The following HNRNPUL1 variants were observed in gnomAD, a reference collection of about 807,000 sequenced individuals.
HNRNPUL1 encodes the protein heterogeneous nuclear ribonucleoprotein U-like protein 1.
A neutral mutation model predicts 108.5 loss-of-function variants in HNRNPUL1; 14 were observed. The observed-to-expected ratio is 0.13, with a 90% CI of 0.09 to 0.20. The LOEUF (loss-of-function observed/expected upper bound fraction) is 0.20. Among genes scored for constraint, HNRNPUL1 ranks in the 10% least tolerant of loss-of-function variants. HNRNPUL1 has a pLI of 1.00. For synonymous variants in HNRNPUL1, 422 were observed against 445.2 expected (o/e 0.95, Z 0.66); for missense variants, 804 against 1,168.3 (o/e 0.69, Z 4.55).
chr19:41,266,709 T>C (rs2034870779), intron 1 of HNRNPUL1, among the ~76,000 whole-genome samples: 1 of 152,098 alleles, frequency 6.6e-6, no homozygotes, highest in African/African-American at 2.4e-5. Flanking sequence ...ACCCTGGGAC[T>C]TGGGGCTAAG....
At position 41,270,090 on chromosome 19, in the gene HNRNPUL1, C is replaced by T. The variant is rs192478412; in HGVS notation, c.418+1745C>T. On this transcript the variant is annotated intron_variant, in intron 2 of 14. Transcript: ENST00000392006. ...CTCCGCCTCTCGGGTTCAAGCGATT[C>T]TCCTGCCTCAGCCTCCCAAGTAGCT... is the stretch of plus-strand genomic sequence containing the variant. 9.7e-3 allele frequency among the ~76,000 whole-genome samples: 1,482 copies of T among 152,228 alleles called. 25 individuals carry two copies. The highest frequency in any genetic ancestry group is 0.034 in the African/African-American group (1,391 of 41,516).
chr19:41,283,666 G>C (rs2036040896), intron 7 of HNRNPUL1, among the ~76,000 whole-genome samples: 1 of 152,036 alleles, frequency 6.6e-6, no homozygotes, highest in Admixed American at 6.6e-5. Context: ...GTGTTGGCTA[G>C]GCTGGTCTTG....
At chr19:41,275,545 A>G (rs1011472516) in intron 4 of HNRNPUL1, among the ~76,000 whole-genome samples, 2 of 152,004 alleles carry the variant, frequency 1.3e-5, no homozygotes, top group Non-Finnish European at 2.9e-5. Flanking sequence ...TAGCAAATAC[A>G]CATCCCCACC....
At chr19:41,299,058 A>G (rs2037050203) in intron 10 of HNRNPUL1, 1 of 152,206 alleles carries the variant, frequency 6.6e-6, no homozygotes, top group Admixed American at 6.5e-5. Flanking sequence ...ACCAGATGCC[A>G]CGTTCTGCTT....
rs1371703575 is a variant in HNRNPUL1 at position 41,294,807 on chromosome 19, G to A, written c.1518+121G>A. ...ATGATGATGGACTGCTGTGCTAGTC[G>A]GGGGGGTCAGACCTTGTCATACATG... On this transcript the variant is annotated intron_variant, in intron 10 of 14. Transcript: ENST00000392006. This position sits in a 1 kb window ranked among gnomAD's most constrained non-coding sequence, Gnocchi z 4.3. 18 of 1,175,856 alleles carry A rather than the reference G, an allele frequency of 1.5e-5. No individual in the cohort carries two copies. Among genetic ancestry groups the A allele is most frequent in the South Asian group, 5.6e-5 (4 of 71,754 alleles). The allele number at this position is 1,175,856 out of a possible 1,614,324, so 72.8% of individuals were successfully genotyped here. A position where few individuals can be genotyped will look rare whatever the true frequency, so the allele number is the denominator to read the frequency against.
Position 41,302,744 on chromosome 19 carries a change from G to A in HNRNPUL1, c.1767G>A (p.Lys589=), listed in dbSNP as rs1475781478. 6.2e-7 allele frequency: 1 copy of A among 1,614,052 alleles called. No homozygotes were observed. The highest frequency in any genetic ancestry group is 8.5e-7 in the Non-Finnish European group (1 of 1,180,022). The part of the protein sequence containing the change: ...FIELQREEAD[K]LVRQYNEEGR... Reference sequence around the variant, plus strand: ...AGCTGCAGCGGGAGGAAGCGGACAAGCTAGTGAGGCAGTACAACGAGGAAG... The same window carrying A: ...AGCTGCAGCGGGAGGAAGCGGACAAACTAGTGAGGCAGTACAACGAGGAAG... The change falls in exon 12 of 15, where the codon AAG becomes AAA. Residue 589 remains lysine, a synonymous_variant. Transcript: ENST00000392006.
At chr19:41,284,938 G>C (rs947894527) in intron 7 of HNRNPUL1, among the ~76,000 whole-genome samples, 9 of 150,282 alleles carry the variant, frequency 6.0e-5, no homozygotes, top group Admixed American at 4.0e-4. Flanking sequence ...GGAGCTTGCA[G>C]TGAGCCACGA....
chr19:41,281,181 A>G lies in HNRNPUL1; in HGVS notation c.905A>G (p.Tyr302Cys). Residue 302 changes from tyrosine to cysteine, a missense_variant, in exon 7 of 15, where the codon TAT becomes TGT. Around this residue, in one of 4 missense-constraint regions of HNRNPUL1, gnomAD observed 174 missense variants for 296.6 expected, o/e 0.59. Transcript: ENST00000392006. Reference sequence around the variant, plus strand: ...CCGTCAGGCGAAGAGCCTTTCTCCTATGGCTATGGAGGCACTGGGAAGAAG... The same window carrying G: ...CCGTCAGGCGAAGAGCCTTTCTCCTGTGGCTATGGAGGCACTGGGAAGAAG... ...STQLGEEPFS[Y>C]GYGGTGKKST... 3 of 1,613,654 alleles carry G rather than the reference A, an allele frequency of 1.9e-6. No individual in the cohort carries two copies. The highest frequency in any genetic ancestry group is 1.7e-6 in the Non-Finnish European group (2 of 1,179,542).
intron 1 of HNRNPUL1, 198 bp downstream of exon 1, chr19:41,264,996 G>T (rs2034726421): frequency 3.6e-6 from 5 of 1,370,920 alleles, no homozygotes; most frequent in East Asian, 3.0e-5. Flanking sequence ...GTGCAGGGGG[G>T]ACACTGGGGG....
Position 41,306,529 on chromosome 19 carries a change from C to T in HNRNPUL1, c.2535C>T (p.Tyr845=), listed in dbSNP as rs761292170. The T allele has an allele frequency of 7.5e-6, 12 of 1,606,060 alleles. No individual in the cohort carries two copies. Among genetic ancestry groups the T allele is most frequent in the Non-Finnish European group, 4.2e-6 (5 of 1,176,530 alleles). Residue 845 remains tyrosine (Y), a synonymous_variant, in exon 15 of 15, where the codon TAC becomes TAT. Transcript: ENST00000392006. The part of the protein sequence containing the change: ...PYYGNYDYGS[Y]SGNTQGGTST... ...ACGGGAACTACGACTACGGGAGCTA[C>T]TCCGGGAACACACAGGGTGGCACAA...
intron 10 of HNRNPUL1, among the ~76,000 whole-genome samples, chr19:41,299,438 C>T (rs542153890): frequency 3.3e-5 from 5 of 152,318 alleles, no homozygotes; most frequent in African/African-American, 7.2e-5. Context: ...TCTTAGAAGA[C>T]GATCTCTTGA....
intron 7 of HNRNPUL1, among the ~76,000 whole-genome samples, chr19:41,286,216 G>A (rs1452444057): frequency 4.6e-5 from 7 of 151,118 alleles, no homozygotes; most frequent in African/African-American, 1.7e-4. Context: ...CTAGTCATAG[G>A]GATCTGAGAG....
chr19:41,272,034 T>C lies in HNRNPUL1; in HGVS notation c.419-48T>C, dbSNP rs1424194220. On this transcript the variant is annotated intron_variant, in intron 2 of 14. Coordinates refer to ENST00000392006, the MANE Select transcript of HNRNPUL1 (RefSeq NM_007040.6). ...GAAAAGGGACCAGAAAAGTGATAGC[T>C]GGGGAGCTTGCGAGTGTCTTGACCA... 2.5e-6 allele frequency: 4 copies of C among 1,601,698 alleles called. No individual in the cohort carries two copies. The Admixed American group carries it at 6.8e-5, about 27-fold the overall frequency.
intron 10 of HNRNPUL1, among the ~76,000 whole-genome samples, chr19:41,299,554 G>A (rs970716590): frequency 6.6e-6 from 1 of 152,204 alleles, no homozygotes; most frequent in African/African-American, 2.4e-5. Flanking sequence ...CACTCTGGGT[G>A]TTGACTTTTC....
At chr19:41,283,382 G>A (rs1420105515) in intron 7 of HNRNPUL1, among the ~76,000 whole-genome samples, 1 of 152,240 alleles carries the variant, frequency 6.6e-6, no homozygotes, top group Non-Finnish European at 1.5e-5. Flanking sequence ...CGGGGTTCAA[G>A]TGATTCTTGT....
rs1365008741 is a variant in HNRNPUL1 at position 41,267,283 on chromosome 19, T to G, written c.296-940T>G. On this transcript the variant is annotated intron_variant, in intron 1 of 14. Transcript: ENST00000392006. The stretch of plus-strand genomic sequence containing the variant: ...TAGAGAATGGAGAAGGACCCTAGAA[T>G]TATAGCTTCTCCAGGAGGGGCTGCC... 3.9e-5 allele frequency among the ~76,000 whole-genome samples: 6 copies of G among 152,104 alleles called. No individual in the cohort carries two copies. The South Asian group carries it at 1.0e-3, about 26-fold the overall frequency.
At chr19:41,288,890 A>G (rs768784338) in intron 7 of HNRNPUL1, among the ~76,000 whole-genome samples, 1 of 152,078 alleles carries the variant, frequency 6.6e-6, no homozygotes, top group East Asian at 1.9e-4. Flanking sequence ...AGCCACTCCT[A>G]CTTCCCCATT....
intron 7 of HNRNPUL1, among the ~76,000 whole-genome samples, chr19:41,284,293 C>A (rs1005417290): frequency 6.7e-6 from 1 of 148,562 alleles, no homozygotes; most frequent in African/African-American, 2.4e-5. Flanking sequence ...CCACTGTAAA[C>A]GAAAAAAAGA....
Position 41,288,202 on chromosome 19 carries a change from C to CT in HNRNPUL1, c.1000-4026dup, listed in dbSNP as rs71177709. Among the ~76,000 whole-genome samples the CT allele has an allele frequency of 7.4e-3, 689 of 93,104 alleles. 8 individuals are homozygous for CT. The highest frequency in any genetic ancestry group is 0.046 in the East Asian group (147 of 3,216). 61.1% of individuals were successfully genotyped at this position (93,104 alleles called of 152,430 possible). A position where few individuals can be genotyped will look rare whatever the true frequency, so the allele number is the denominator to read the frequency against. ...AACCCACTGGTACTCGGGGTTTCAT[C>CT]TTTTTTTTTTTTTTTTTAACTTGTA... On this transcript the variant is annotated intron_variant, in intron 7 of 14. Transcript: ENST00000392006.
Sources: gnomAD v4.1 joint callset for allele counts (sites outside exome capture counted in the v4.1 genomes callset) on GRCh38, gnomAD v4.1.1 for gene constraint, gnomAD v4.1.1 regional missense constraint, Gnocchi (gnomAD v3.1) non-coding constraint, MANE v1.5 for transcripts, NCBI Gene and HGNC (gene_info 2026-07-23, HGNC 2026-07-21) for gene names.